Variants in PPP2R3B observed in about 807,000 individuals in gnomAD.
PPP2R3B encodes serine/threonine-protein phosphatase 2A regulatory subunit B'' subunit beta.
A neutral mutation model predicts 72.9 loss-of-function variants in PPP2R3B; 68 were observed. The observed-to-expected ratio is 0.93, with a 90% CI of 0.77 to 1.14. The LOEUF (loss-of-function observed/expected upper bound fraction) is 1.14. Among genes scored for constraint, PPP2R3B ranks in the 50% most tolerant of loss-of-function variants. PPP2R3B has a pLI of 0.00. For synonymous variants in PPP2R3B, 466 were observed against 375.8 expected (o/e 1.24, Z -2.78); for missense variants, 1,018 against 842.0 (o/e 1.21, Z -2.59).
At chrX:363,486 CA>C (rs1439939726) in intron 1 of PPP2R3B, among the ~76,000 whole-genome samples, 296 of 149,016 alleles carry the variant, frequency 2.0e-3, no homozygotes, top group South Asian at 3.4e-3. Flanking sequence ...TCCCCGAGCC[CA>C]GCATCCCACA....
At chrX:377,846 G>A (rs1351504695) in intron 1 of PPP2R3B, among the ~76,000 whole-genome samples, 2 of 112,558 alleles carry the variant, frequency 1.8e-5, no homozygotes, top group East Asian at 2.6e-4. Context: ...GGGACGGGCC[G>A]TCCACACCCA....
chrX:338,354 G>A (rs760445657), intron 12 of PPP2R3B: 24 of 596,164 alleles, frequency 4.0e-5, no homozygotes, highest in Middle Eastern at 9.0e-4. Context: ...GAAGCCTCGC[G>A]CCCAGGATCA....
Position 340,961 on chromosome X carries a change from TCAGCCCCTGCCCTGGGCCCTCC to T in PPP2R3B, c.1176-43_1176-22del, listed in dbSNP as rs750629312. The T allele has an allele frequency of 2.5e-6, 4 of 1,604,588 alleles. No individual in the cohort carries two copies. The South Asian group carries it at 4.4e-5, about 18-fold the overall frequency. On this transcript the variant is annotated intron_variant, in intron 9 of 12. Coordinates refer to ENST00000390665, the MANE Select transcript of PPP2R3B (RefSeq NM_013239.5). ...CGATGCTGCGGCACGGCGAGCTCTG[TCAGCCCCTGCCCTGGGCCCTCC>T]CAGCCCGTGACCTGCAGCCCCTGAG...
chrX:381,378 G>A (rs2072120476), intron 1 of PPP2R3B, among the ~76,000 whole-genome samples: 1 of 152,052 alleles, frequency 6.6e-6, no homozygotes, highest in Non-Finnish European at 1.5e-5. Flanking sequence ...ACCCTTGGCT[G>A]GGGAGTTCAA....
At chrX:385,320 CTTTTTTTT>C (rs1178231888) in intron 1 of PPP2R3B, among the ~76,000 whole-genome samples, 243 of 75,664 alleles carry the variant, frequency 3.2e-3, no homozygotes, top group South Asian at 4.7e-3. Context: ...TTTTAGTTTT[CTTTTTTTT>C]TTTTTTTTTT....
chrX:361,198 A>G lies in PPP2R3B; in HGVS notation c.510+207T>C, dbSNP rs575896164. Among the ~76,000 whole-genome samples, 35 of 152,378 alleles carry G rather than the reference A, an allele frequency of 2.3e-4. 1 individual carries two copies. The South Asian group carries it at 7.2e-3, about 32-fold the overall frequency. ...ATTTCAGATGCTTAAGAATTCACAC[A>G]GCAGCAACCAGACAGCAAACCTCAG... On this transcript the variant is annotated intron_variant, in intron 2 of 12. Transcript: ENST00000390665.
chrX:338,787 G>A lies in PPP2R3B; in HGVS notation c.1461C>T (p.Ser487=), dbSNP rs2070967363. 1 of 1,612,166 alleles carries A rather than the reference G, an allele frequency of 6.2e-7. No homozygotes were observed. The highest frequency in any genetic ancestry group is 1.3e-5 in the African/African-American group (1 of 74,940). Residue 487 remains serine, a synonymous_variant, in exon 11 of 13, where the codon TCC becomes TCT. Transcript: ENST00000390665. ...TGCCCGCCGCACTCACCCTGAGCAG[G>A]GAGATCTGCTCTTTCTGCTCGTGGT... ...YLDHEQKEQI[S]LLRDGDSGGP...
At chrX:344,721 G>A (rs2071159584) in intron 7 of PPP2R3B, among the ~76,000 whole-genome samples, 1 of 152,226 alleles carries the variant, frequency 6.6e-6, no homozygotes, top group South Asian at 2.1e-4. Context: ...TCCCTGAACT[G>A]AGCGCAGGAC....
chrX:342,311 CAACGGGAGGCGGGAGTGAGACCTCAG>C lies in PPP2R3B; in HGVS notation c.1037-406_1037-381del, dbSNP rs2071099032. 5 of 305,266 alleles carry C rather than the reference CAACGGGAGGCGGGAGTGAGACCTCAG, an allele frequency of 1.6e-5. No homozygotes were observed. The East Asian group carries it at 2.4e-4, about 15-fold the overall frequency. 18.9% of individuals were successfully genotyped at this position (305,266 alleles called of 1,614,324 possible). On this transcript the variant is annotated intron_variant, in intron 7 of 12. Transcript: ENST00000390665. Reference sequence around the variant, plus strand: ...ACGGGAGACGGGAGTGAGACCTCAGCAACGGGAGGCGGGAGTGAGACCTCAGCAACGGGAGGCGGGAGTGAGACCTC... The same window carrying C: ...ACGGGAGACGGGAGTGAGACCTCAGCCAACGGGAGGCGGGAGTGAGACCTC...
At chrX:352,104 A>C (rs1329741050) in intron 2 of PPP2R3B, among the ~76,000 whole-genome samples, 2 of 152,248 alleles carry the variant, frequency 1.3e-5, no homozygotes, top group African/African-American at 4.8e-5. Flanking sequence ...TTAGCTCATA[A>C]TTTAAAATAA....
At chrX:385,672 A>AC (rs1312059875) in intron 1 of PPP2R3B, among the ~76,000 whole-genome samples, 1 of 152,090 alleles carries the variant, frequency 6.6e-6, no homozygotes, top group African/African-American at 2.4e-5. Flanking sequence ...GTGATGGTGC[A>AC]CGCCTGTAAT....
chrX:349,487 TCAC>T (rs2071285407), intron 2 of PPP2R3B, among the ~76,000 whole-genome samples: 1 of 152,018 alleles, frequency 6.6e-6, no homozygotes. Flanking sequence ...GAGGACAGTG[TCAC>T]CACCAAGGCC....
intron 1 of PPP2R3B, among the ~76,000 whole-genome samples, chrX:364,050 C>T (rs2071626826): frequency 1.3e-5 from 2 of 152,234 alleles, no homozygotes; most frequent in African/African-American, 4.8e-5. Flanking sequence ...CCCGGGGAAG[C>T]CCGTGGAGCC....
At chrX:372,466 G>A (rs1308483094) in intron 1 of PPP2R3B, among the ~76,000 whole-genome samples, 8 of 152,178 alleles carry the variant, frequency 5.3e-5, no homozygotes, top group Non-Finnish European at 7.3e-5. Context: ...TGAGGCGCCC[G>A]CCACGCACAC....
In PPP2R3B at chrX:345,612, C is replaced by T. The variant is rs754412966; in HGVS notation, c.940G>A (p.Glu314Lys). 2 of 1,613,216 alleles carry T rather than the reference C, an allele frequency of 1.2e-6. No individual in the cohort carries two copies. Among genetic ancestry groups the T allele is most frequent in the Non-Finnish European group, 8.5e-7 (1 of 1,179,560 alleles). The change falls in exon 7 of 13, where the codon GAG becomes AAG. Residue 314 changes from glutamate (E) to lysine (K), a missense_variant. Transcript: ENST00000390665. ...INQLTEFFSY[E>K]HFYVIYCKFW... Reference sequence around the variant, plus strand: ...TTGCAGTAGATGACGTAGAAATGCTCGTACGAGAAGAATTCGGTCAGCTGG... The same window carrying T: ...TTGCAGTAGATGACGTAGAAATGCTTGTACGAGAAGAATTCGGTCAGCTGG...
intron 1 of PPP2R3B, among the ~76,000 whole-genome samples, chrX:370,587 T>C (rs760842321): frequency 6.6e-6 from 1 of 152,298 alleles, no homozygotes; most frequent in African/African-American, 2.4e-5. Flanking sequence ...CTTGGTCTTC[T>C]GTGTGGACGT....
chrX:373,236 C>T (rs1371540354), intron 1 of PPP2R3B, among the ~76,000 whole-genome samples: 1 of 152,226 alleles, frequency 6.6e-6, no homozygotes, highest in Non-Finnish European at 1.5e-5. Flanking sequence ...AAGGCGCGCA[C>T]TCACAGCCAA....
intron 1 of PPP2R3B, among the ~76,000 whole-genome samples, chrX:385,790 T>A (rs57655804): frequency 0.013 from 1,911 of 151,432 alleles, 43 homozygotes; most frequent in African/African-American, 0.045. Flanking sequence ...GTAAAATAAA[T>A]AAAAAACGGA....
chrX:370,975 A>G (rs1323945559), intron 1 of PPP2R3B, among the ~76,000 whole-genome samples: 2 of 152,158 alleles, frequency 1.3e-5, no homozygotes, highest in Non-Finnish European at 2.9e-5. Flanking sequence ...TGACCAGGAC[A>G]GGTGAAGAGG....
Sources: gnomAD v4.1 joint callset for allele counts (sites outside exome capture counted in the v4.1 genomes callset) on GRCh38, gnomAD v4.1.1 for gene constraint, MANE v1.5 for transcripts, NCBI Gene and HGNC (gene_info 2026-07-23, HGNC 2026-07-21) for gene names.